The following ZNF831 variants were observed in gnomAD, a reference collection of about 807,000 sequenced individuals.
ZNF831 encodes the protein zinc finger protein 831.
A neutral mutation model predicts 95.8 loss-of-function variants in ZNF831; 59 were observed. That is an observed-to-expected ratio of 0.62 (90% CI 0.50 to 0.77). ZNF831 has a LOEUF of 0.77. Among genes scored for constraint, ZNF831 ranks in the 30% least tolerant of loss-of-function variants. ZNF831 has a pLI of 0.00. For missense variants in ZNF831, 2,205 were observed against 2,164.0 expected (o/e 1.02, Z -0.38); for synonymous variants, 961 against 925.5 (o/e 1.04, Z -0.70).
intron 2 of ZNF831, among the ~76,000 whole-genome samples, chr20:59,195,130 A>G (rs962931872): frequency 6.6e-6 from 1 of 152,218 alleles, no homozygotes; most frequent in Non-Finnish European, 1.5e-5. Flanking sequence ...ATTATAAGCC[A>G]GAGACTCCCA....
chr20:59,180,548 T>C (rs1159754939), intron 1 of ZNF831, among the ~76,000 whole-genome samples: 2 of 151,752 alleles, frequency 1.3e-5, no homozygotes, highest in African/African-American at 2.4e-5. Flanking sequence ...CGACAGGCTC[T>C]GGTGTGTGAT....
chr20:59,223,387 G>T (rs1195775431), intron 4 of ZNF831, among the ~76,000 whole-genome samples: 1 of 152,144 alleles, frequency 6.6e-6, no homozygotes, highest in African/African-American at 2.4e-5. Flanking sequence ...AGACACACTG[G>T]TTCTCTTTCA....
rs2146567167 is a variant in ZNF831, at chr20:59,192,529, A to G, written c.1510A>G (p.Ser504Gly). 1 of 1,530,640 alleles carries G rather than the reference A, an allele frequency of 6.5e-7. No homozygotes were observed. Among genetic ancestry groups the G allele is most frequent in the African/African-American group, 1.4e-5 (1 of 72,276 alleles). 94.8% of individuals were successfully genotyped at this position (1,530,640 alleles called of 1,614,324 possible). A position where few individuals can be genotyped will look rare whatever the true frequency, so the allele number is the denominator to read the frequency against. ...CGTGGAATGTGTCCCCGTCACCAGG[A>G]GCAACTCGCTGCCCTTCGTCGAGGG... Reference protein sequence around the residue: ...TTVECVPVTRSNSLPFVEGSR... With the variant: ...TTVECVPVTRGNSLPFVEGSR... Residue 504 changes from serine to glycine, a missense_variant, in exon 2 of 6, where the codon AGC becomes GGC. By Grantham distance (56) the Ser-to-Gly change is moderately conservative. Transcript: ENST00000371030. The surrounding 1 kb of genome is among the most constrained non-coding windows in gnomAD (Gnocchi z 5.2).
chr20:59,157,869 A>G (rs1015318791), intron 2 of ZNF831, among the ~76,000 whole-genome samples: 5 of 152,204 alleles, frequency 3.3e-5, no homozygotes, highest in Non-Finnish European at 7.3e-5. Context: ...AAAACAAATA[A>G]GAAAGCAAAC....
Position 59,141,621 on chromosome 20 carries a change from A to G in ZNF831, c.-1424-4610A>G, listed in dbSNP as rs191843268. 4.4e-3 allele frequency among the ~76,000 whole-genome samples: 670 copies of G among 152,326 alleles called. 3 individuals are homozygous for G. The highest frequency in any genetic ancestry group is 0.016 in the African/African-American group (651 of 41,562). On this transcript the variant is annotated intron_variant, in intron 1 of 7. Transcript: ENST00000637017. Reference sequence around the variant, plus strand: ...TGGCCCTCTCTGGATTACTGTTGCCATAGAGTGAGTCTTAAAATCAGGTAA... The same window carrying G: ...TGGCCCTCTCTGGATTACTGTTGCCGTAGAGTGAGTCTTAAAATCAGGTAA...
chr20:59,241,099 G>A (rs1233012108), intron 4 of ZNF831, among the ~76,000 whole-genome samples: 1 of 152,110 alleles, frequency 6.6e-6, no homozygotes, highest in Non-Finnish European at 1.5e-5. Context: ...GCTGGTGTGA[G>A]GACAAAGGAG....
At chr20:59,197,459 G>A (rs1400840280) in intron 3 of ZNF831, among the ~76,000 whole-genome samples, 4 of 152,196 alleles carry the variant, frequency 2.6e-5, no homozygotes, top group Non-Finnish European at 4.4e-5. Flanking sequence ...TAGCCTGTGT[G>A]CCAGCTAGTC....
chr20:59,161,443 A>T (rs1980858736), upstream of ZNF831, among the ~76,000 whole-genome samples: 1 of 151,988 alleles, frequency 6.6e-6, no homozygotes, highest in Admixed American at 6.6e-5. Flanking sequence ...ACACCCGGCT[A>T]ATTTTTTGTA....
rs2146592230 is a variant in ZNF831, at chr20:59,193,974, G to A, written c.2955G>A (p.Gly985=). The A allele has an allele frequency of 6.5e-7, 1 of 1,542,740 alleles. No homozygotes were observed. The highest frequency in any genetic ancestry group is 8.7e-7 in the Non-Finnish European group (1 of 1,145,956). ...CATCATTTGTTGGGTCAGGACTGGGGACCCCTCTTTCTCCCAGCCCAGCCT... is the reference window on the plus strand; with the variant it reads ...CATCATTTGTTGGGTCAGGACTGGGAACCCCTCTTTCTCCCAGCCCAGCCT... The part of the protein sequence containing the change: ...ERASFVGSGL[G]TPLSPSPASG... Residue 985 remains glycine (G), a synonymous_variant, in exon 2 of 6, where the codon GGG becomes GGA. Transcript: ENST00000371030.
At chr20:59,242,517 A>C (rs898328236) in intron 4 of ZNF831, among the ~76,000 whole-genome samples, 4 of 152,228 alleles carry the variant, frequency 2.6e-5, no homozygotes, top group Non-Finnish European at 5.9e-5. Context: ...TTAACGATTG[A>C]TTTTAAATAT....
At position 59,208,104 on chromosome 20, in the gene ZNF831, G is replaced by A. The variant is rs952578281; in HGVS notation, c.4027+1048G>A. Among the ~76,000 whole-genome samples the A allele has an allele frequency of 1.3e-5, 2 of 152,380 alleles. No homozygotes were observed. The highest frequency in any genetic ancestry group is 2.1e-4 in the South Asian group (1 of 4,830). On this transcript the variant is annotated intron_variant, in intron 4 of 5. Transcript: ENST00000371030. This position sits in a 1 kb window ranked among gnomAD's most constrained non-coding sequence, Gnocchi z 4.2. Reference sequence around the variant, plus strand: ...ACAGTTGGGGCCAGTTGTTGAAGAAGAAAGGTTGTTTTTGTTAAGGAAGGT... The same window carrying A: ...ACAGTTGGGGCCAGTTGTTGAAGAAAAAAGGTTGTTTTTGTTAAGGAAGGT...
rs529233687 is a variant in ZNF831, at chr20:59,211,729, G to A, written c.4027+4673G>A. ...TTTCTCGGGTCTCCTTTGACCTGGC[G>A]CGTCCTGGATGGAGAGATCAGAGCT... On this transcript the variant is annotated intron_variant, in intron 4 of 5. Transcript: ENST00000371030. Among the ~76,000 whole-genome samples, 22 of 152,132 alleles carry A rather than the reference G, an allele frequency of 1.4e-4. No individual in the cohort carries two copies. In the South Asian group the frequency reaches 4.4e-3, roughly 30 times the overall value.
intron 1 of ZNF831, among the ~76,000 whole-genome samples, chr20:59,135,229 CA>C (rs1048237856): frequency 1.3e-5 from 2 of 152,148 alleles, no homozygotes; most frequent in African/African-American, 4.8e-5. Context: ...ATCTGTTTGT[CA>C]GAGGTCCAGG....
chr20:59,185,802 A>G (rs774376096), intron 1 of ZNF831, among the ~76,000 whole-genome samples: 10 of 151,992 alleles, frequency 6.6e-5, no homozygotes, highest in Non-Finnish European at 1.5e-4. Context: ...TGACCTCCCC[A>G]CCCATGACCA....
chr20:59,227,903 G>A (rs1281034125), intron 4 of ZNF831, among the ~76,000 whole-genome samples: 1 of 152,122 alleles, frequency 6.6e-6, no homozygotes, highest in Non-Finnish European at 1.5e-5. Context: ...GGAGGTTACA[G>A]GAAAAGCAAG....
At chr20:59,157,627 A>G (rs1196993654) in intron 2 of ZNF831, among the ~76,000 whole-genome samples, 1 of 152,250 alleles carries the variant, frequency 6.6e-6, no homozygotes, top group Non-Finnish European at 1.5e-5. Context: ...GATTCAAGGA[A>G]CAGTCATCAT....
intron 2 of ZNF831, among the ~76,000 whole-genome samples, chr20:59,151,598 C>G (rs997262431): frequency 6.6e-6 from 1 of 152,182 alleles, no homozygotes; most frequent in East Asian, 1.9e-4. Context: ...TTCTGCAGGC[C>G]GGTCAGGTGA....
intron 2 of ZNF831, among the ~76,000 whole-genome samples, chr20:59,153,280 G>A (rs763391119): frequency 6.6e-6 from 1 of 152,234 alleles, no homozygotes; most frequent in Non-Finnish European, 1.5e-5. Context: ...CAAATCCTGT[G>A]GAACTGGACC....
At chr20:59,238,913 G>A (rs1028806561) in intron 4 of ZNF831, among the ~76,000 whole-genome samples, 2 of 152,134 alleles carry the variant, frequency 1.3e-5, no homozygotes, top group South Asian at 2.1e-4. Flanking sequence ...ACGCAGGGCC[G>A]GAAGAGGTTC....
Sources: gnomAD v4.1 joint callset for allele counts (sites outside exome capture counted in the v4.1 genomes callset) on GRCh38, gnomAD v4.1.1 for gene constraint, Gnocchi (gnomAD v3.1) non-coding constraint, MANE v1.5 for transcripts, NCBI Gene and HGNC (gene_info 2026-07-23, HGNC 2026-07-21) for gene names.